CBFB: variants seen among roughly 807,000 people sequenced by gnomAD.
CBFB encodes the protein CBF-beta.
A neutral mutation model predicts 30.4 loss-of-function variants in CBFB; 9 were observed. The ratio of observed to expected loss-of-function variants is 0.30; its 90% confidence interval spans 0.18 to 0.52. The LOEUF is 0.52. CBFB is among the 20% of genes least tolerant of loss of function. CBFB has a pLI of 0.97. For synonymous variants in CBFB, 94 were observed against 84.0 expected (o/e 1.12, Z -0.65); for missense variants, 170 against 244.0 (o/e 0.70, Z 2.02).
intron 3 of CBFB, among the ~76,000 whole-genome samples, chr16:67,060,966 T>A (rs1000565970): frequency 1.3e-5 from 2 of 152,252 alleles, no homozygotes; most frequent in Non-Finnish European, 2.9e-5. Flanking sequence ...TCATTCCTTT[T>A]TATGACCAAG....
intron 2 of CBFB, among the ~76,000 whole-genome samples, chr16:67,033,319 G>T (rs1056607610): frequency 6.6e-6 from 1 of 152,148 alleles, no homozygotes; most frequent in Non-Finnish European, 1.5e-5. Flanking sequence ...GTGAACACAG[G>T]TCGAAGAATC....
intron 5 of CBFB, among the ~76,000 whole-genome samples, chr16:67,096,495 T>G (rs1433590329): frequency 2.6e-5 from 4 of 151,788 alleles, no homozygotes; most frequent in African/African-American, 7.3e-5. Flanking sequence ...ATATAGTCTC[T>G]CTATTAAGTA....
At chr16:67,045,486 C>T (rs1966609041) in intron 3 of CBFB, among the ~76,000 whole-genome samples, 1 of 151,456 alleles carries the variant, frequency 6.6e-6, no homozygotes, top group Admixed American at 6.6e-5. Flanking sequence ...CACAACACTC[C>T]AGCCTGGGCA....
At chr16:67,058,082 TA>T (rs1960781508) in intron 3 of CBFB, among the ~76,000 whole-genome samples, 2 of 152,246 alleles carry the variant, frequency 1.3e-5, no homozygotes, top group African/African-American at 4.8e-5. Context: ...TTGTCATTTG[TA>T]GTCTTTCCAG....
intron 3 of CBFB, among the ~76,000 whole-genome samples, chr16:67,050,017 C>T (rs905347465): frequency 6.6e-6 from 1 of 151,784 alleles, no homozygotes; most frequent in Non-Finnish European, 1.5e-5. Context: ...TTTTTTACCC[C>T]TAAGTCTGTT....
intron 5 of CBFB, among the ~76,000 whole-genome samples, chr16:67,085,529 C>A (rs1030278842): frequency 6.7e-6 from 1 of 150,220 alleles, no homozygotes; most frequent in African/African-American, 2.5e-5. Flanking sequence ...GGGTCTCACT[C>A]TGTTGCCCAG....
intron 4 of CBFB, among the ~76,000 whole-genome samples, chr16:67,073,575 G>A (rs1218387331): frequency 1.4e-5 from 2 of 147,760 alleles, no homozygotes; most frequent in African/African-American, 2.5e-5. Context: ...GTGAAACTCC[G>A]TCTCTACTGA....
At chr16:67,081,628 C>G (rs1005438934) in intron 4 of CBFB, among the ~76,000 whole-genome samples, 2 of 151,780 alleles carry the variant, frequency 1.3e-5, no homozygotes, top group Non-Finnish European at 2.9e-5. Context: ...ATAGCAAGAC[C>G]CAGTCTCTAC....
At chr16:67,041,637 A>G (rs1371517942) in intron 3 of CBFB, among the ~76,000 whole-genome samples, 2 of 151,920 alleles carry the variant, frequency 1.3e-5, no homozygotes, top group Admixed American at 1.3e-4. Context: ...TTTTGGCTAG[A>G]GAAACTGGGA....
At chr16:67,083,923 C>CT (rs201950121) in intron 5 of CBFB, among the ~76,000 whole-genome samples, 4,501 of 151,922 alleles carry the variant, frequency 0.03, 77 homozygotes, top group Admixed American at 0.034. Context: ...AATCCCAGCA[C>CT]TTTGGGAGGC....
rs377649851 is a variant in CBFB, at chr16:67,029,391, G to T, written c.-17G>T. 33 of 1,511,276 alleles carry T rather than the reference G, an allele frequency of 2.2e-5. No individual in the cohort carries two copies. The highest frequency in any genetic ancestry group is 1.7e-5 in the Non-Finnish European group (19 of 1,132,082). The allele number at this position is 1,511,276 out of a possible 1,614,324, so 93.6% of individuals were successfully genotyped here. A position where few individuals can be genotyped will look rare whatever the true frequency, so the allele number is the denominator to read the frequency against. On this transcript the variant is annotated 5_prime_UTR_variant, in exon 1 of 6. Transcript: ENST00000412916. ...AGCCCCGAGCGCGGCCGGCCGGCGC[G>T]GCCTCAGGGCGGGAAGATGCCGCGC...
At chr16:67,071,162 T>C (rs1056690166) in intron 4 of CBFB, among the ~76,000 whole-genome samples, 4 of 152,138 alleles carry the variant, frequency 2.6e-5, no homozygotes, top group African/African-American at 9.7e-5. Context: ...ATAATATAAG[T>C]AAAGAAGCAA....
chr16:67,076,469 GT>G (rs1267735447), intron 4 of CBFB, among the ~76,000 whole-genome samples: 1 of 152,072 alleles, frequency 6.6e-6, no homozygotes, highest in Non-Finnish European at 1.5e-5. Flanking sequence ...ACCAATACAT[GT>G]TTTTCCCCCC....
At chr16:67,029,879 G>A (rs1487037651) in intron 2 of CBFB, 66 bp downstream of exon 2, 1 of 1,103,226 alleles carries the variant, frequency 9.1e-7, no homozygotes, top group Non-Finnish European at 1.2e-6. Flanking sequence ...GCCCAGGCCG[G>A]TTCCGGACGG....
At chr16:67,048,233 C>T (rs1015305241) in intron 3 of CBFB, among the ~76,000 whole-genome samples, 1 of 151,856 alleles carries the variant, frequency 6.6e-6, no homozygotes, top group African/African-American at 2.4e-5. Flanking sequence ...CAGAGCAAGG[C>T]TCCATCTCCA....
chr16:67,068,289 G>A lies in CBFB; in HGVS notation c.399+1491G>A, dbSNP rs139941106. Among the ~76,000 whole-genome samples, 249 of 152,162 alleles carry A rather than the reference G, an allele frequency of 1.6e-3. 1 individual carries two copies. Among genetic ancestry groups the A allele is most frequent in the African/African-American group, 5.7e-3 (236 of 41,500 alleles). ...AGCCCAAGAGTTAAAGACCAGCCTG[G>A]GCAACATGGTGAGACCCCATCTACA... is the stretch of plus-strand genomic sequence containing the variant. On this transcript the variant is annotated intron_variant, in intron 4 of 5. Transcript: ENST00000412916.
intron 3 of CBFB, among the ~76,000 whole-genome samples, chr16:67,037,057 TCTGA>T (rs1966452182): frequency 6.6e-6 from 1 of 151,990 alleles, no homozygotes; most frequent in African/African-American, 2.4e-5. Flanking sequence ...CGCCACCACA[TCTGA>T]CTAATTTTTG....
intron 4 of CBFB, among the ~76,000 whole-genome samples, chr16:67,075,715 G>A (rs1184055530): frequency 1.3e-5 from 2 of 152,118 alleles, no homozygotes; most frequent in Non-Finnish European, 2.9e-5. Context: ...TGCGCAAATG[G>A]CCATTAACAG....
At chr16:67,052,527 G>A (rs1288148279) in intron 3 of CBFB, among the ~76,000 whole-genome samples, 1 of 151,520 alleles carries the variant, frequency 6.6e-6, no homozygotes, top group East Asian at 1.9e-4. Flanking sequence ...AGTGAGCTGT[G>A]ATGGTGCCAC....
Sources: allele counts gnomAD v4.1 joint callset (sites outside exome capture counted in the v4.1 genomes callset), GRCh38; gene constraint gnomAD v4.1.1; transcripts MANE v1.5; gene names NCBI Gene and HGNC (gene_info 2026-07-23, HGNC 2026-07-21).